The following ITPK1 variants were observed in gnomAD, a reference collection of about 807,000 sequenced individuals.
ITPK1 encodes inositol-tetrakisphosphate 1-kinase, also known as inositol 1,3,4-trisphosphate 5/6-kinase.
Under a neutral mutation model 45.3 loss-of-function variants are expected in ITPK1, and 21 were observed. The observed-to-expected ratio is 0.46, with a 90% CI of 0.33 to 0.67. The LOEUF (loss-of-function observed/expected upper bound fraction) is 0.67, where lower values mean the gene tolerates loss of function less well. ITPK1 is among the 30% of genes least tolerant of loss of function. ITPK1 has a pLI of 0.02. For missense variants in ITPK1, 474 were observed against 573.5 expected (o/e 0.83, Z 1.77); for synonymous variants, 258 against 253.6 (o/e 1.02, Z -0.16).
intron 3 of ITPK1, among the ~76,000 whole-genome samples, chr14:93,061,771 G>A (rs1890534858): frequency 6.6e-6 from 1 of 152,184 alleles, no homozygotes; most frequent in African/African-American, 2.4e-5. Flanking sequence ...ATCAAAAGTG[G>A]ATGTTTATCA....
At chr14:93,092,027 A>C (rs1012780970) in intron 2 of ITPK1, among the ~76,000 whole-genome samples, 2 of 152,074 alleles carry the variant, frequency 1.3e-5, no homozygotes, top group Non-Finnish European at 2.9e-5. Flanking sequence ...CCTGTCCCCC[A>C]GGCTCTCCAC....
At chr14:93,004,468 A>G (rs964601190) in intron 4 of ITPK1, among the ~76,000 whole-genome samples, 33 of 152,224 alleles carry the variant, frequency 2.2e-4, no homozygotes, top group Non-Finnish European at 5.9e-5. Flanking sequence ...CTGAGCACTC[A>G]GCCTGAGGCC....
chr14:93,046,594 C>CGGG (rs1239483624), intron 3 of ITPK1, among the ~76,000 whole-genome samples: 4 of 74,036 alleles, frequency 5.4e-5, no homozygotes, highest in East Asian at 4.1e-4. Context: ...CAGCCGGGGG[C>CGGG]GGGGGGGGGC....
rs567249975 is a variant in ITPK1 at position 92,972,375 on chromosome 14, G to A, written c.365-9526C>T. On this transcript the variant is annotated intron_variant, in intron 5 of 10. Coordinates refer to ENST00000267615, the MANE Select transcript of ITPK1 (RefSeq NM_014216.6). Reference sequence around the variant, plus strand: ...GGTGTCCTTATAAGGAGATTAGGACGCAGACACACACAGGGGAAGACCATG... The same window carrying A: ...GGTGTCCTTATAAGGAGATTAGGACACAGACACACACAGGGGAAGACCATG... Among the ~76,000 whole-genome samples, 6 of 152,230 alleles carry A rather than the reference G, an allele frequency of 3.9e-5. No individual in the cohort carries two copies. In the East Asian group the frequency reaches 1.2e-3, roughly 29 times the overall value.
intron 9 of ITPK1, among the ~76,000 whole-genome samples, chr14:92,947,403 A>C (rs994455698): frequency 6.6e-6 from 1 of 152,156 alleles, no homozygotes. Context: ...ACAGGCACAC[A>C]CTGTCATGGG....
chr14:93,108,382 C>G (rs1447700580), intron 2 of ITPK1, among the ~76,000 whole-genome samples: 1 of 152,244 alleles, frequency 6.6e-6, no homozygotes, highest in East Asian at 1.9e-4. Context: ...GAACTGTGCT[C>G]ATGGGGCACT....
At chr14:93,078,079 C>G (rs572652991) in intron 2 of ITPK1, among the ~76,000 whole-genome samples, 1 of 152,330 alleles carries the variant, frequency 6.6e-6, no homozygotes, top group East Asian at 1.9e-4. Context: ...AGACACTCCT[C>G]AACGGCTGCT....
intron 3 of ITPK1, among the ~76,000 whole-genome samples, chr14:93,043,773 CT>C (rs1889663663): frequency 6.6e-6 from 1 of 152,224 alleles, no homozygotes; most frequent in South Asian, 2.1e-4. Flanking sequence ...TCTCCTTCCC[CT>C]CATTGGTGGC....
intron 3 of ITPK1, among the ~76,000 whole-genome samples, chr14:93,059,229 A>G (rs1486459431): frequency 7.2e-5 from 1 of 13,850 alleles, no homozygotes; most frequent in Non-Finnish European, 1.2e-4. Context: ...GCAGGGGTGG[A>G]GGGTGTGTGG....
At chr14:93,077,878 G>A (rs576721815) in intron 2 of ITPK1, among the ~76,000 whole-genome samples, 7 of 152,318 alleles carry the variant, frequency 4.6e-5, no homozygotes, top group South Asian at 2.1e-4. Context: ...TGCAGGGACC[G>A]AGGCACCCAA....
In ITPK1 at chr14:93,014,732, T is replaced by A. The variant is rs917965720; in HGVS notation, c.246+1944A>T. Among the ~76,000 whole-genome samples, 21 of 151,330 alleles carry A rather than the reference T, an allele frequency of 1.4e-4. No homozygotes were observed. Among genetic ancestry groups the A allele is most frequent in the Non-Finnish European group, 2.5e-4 (17 of 67,770 alleles). ...AAATCCCACCTGGACCACTTTCTAG[T>A]TGTCCTGCAGCTGCTTCTTCCTCCA... On this transcript the variant is annotated intron_variant, in intron 4 of 10. Coordinates refer to ENST00000267615, the MANE Select transcript of ITPK1 (RefSeq NM_014216.6). This position sits in a 1 kb window ranked among gnomAD's most constrained non-coding sequence, Gnocchi z 4.4.
Position 93,014,759 on chromosome 14 carries a change from A to G in ITPK1, c.246+1917T>C, listed in dbSNP as rs1888088065. Among the ~76,000 whole-genome samples the G allele has an allele frequency of 6.6e-6, 1 of 152,256 alleles. No individual in the cohort carries two copies. Among genetic ancestry groups the G allele is most frequent in the Admixed American group, 6.5e-5 (1 of 15,292 alleles). ...GTCCTGCAGCTGCTTCTTCCTCCACAGGACGGGAATCATTGAACCTTACAG... is the reference window on the plus strand; with the variant it reads ...GTCCTGCAGCTGCTTCTTCCTCCACGGGACGGGAATCATTGAACCTTACAG... On this transcript the variant is annotated intron_variant, in intron 4 of 10. Coordinates refer to ENST00000267615, the MANE Select transcript of ITPK1 (RefSeq NM_014216.6). The surrounding 1 kb of genome is among the most constrained non-coding windows in gnomAD (Gnocchi z 4.4).
intron 5 of ITPK1, among the ~76,000 whole-genome samples, chr14:92,968,826 G>A (rs1487731090): frequency 6.6e-6 from 1 of 152,198 alleles, no homozygotes; most frequent in Non-Finnish European, 1.5e-5. Flanking sequence ...CTCCTGCTCT[G>A]GCGTGGGGTG....
intron 3 of ITPK1, among the ~76,000 whole-genome samples, chr14:93,041,538 G>A (rs767430371): frequency 9.2e-5 from 14 of 152,220 alleles, no homozygotes; most frequent in East Asian, 1.9e-4. Context: ...CTCAGAAACC[G>A]GGCCTCTGCC....
chr14:93,047,677 T>C (rs1162680118), intron 3 of ITPK1, among the ~76,000 whole-genome samples: 1 of 152,264 alleles, frequency 6.6e-6, no homozygotes, highest in Non-Finnish European at 1.5e-5. Context: ...GTCCAACTCC[T>C]AGCCTCCAGA....
At chr14:93,080,770 T>G (rs1349697312) in intron 2 of ITPK1, among the ~76,000 whole-genome samples, 1 of 151,934 alleles carries the variant, frequency 6.6e-6, no homozygotes, top group Non-Finnish European at 1.5e-5. Flanking sequence ...AGAGTCTGGC[T>G]CTATCGCCCA....
chr14:93,027,502 C>T (rs371449342), intron 3 of ITPK1, among the ~76,000 whole-genome samples: 15 of 152,164 alleles, frequency 9.9e-5, no homozygotes, highest in Admixed American at 3.3e-4. Context: ...CAAGGCAACT[C>T]GCCTTCATCC....
rs1340485522 is a variant in ITPK1, at chr14:93,012,153, C to T, written c.246+4523G>A. 6.6e-6 allele frequency among the ~76,000 whole-genome samples: 1 copy of T among 152,222 alleles called. No homozygotes were observed. Among genetic ancestry groups the T allele is most frequent in the Non-Finnish European group, 1.5e-5 (1 of 68,044 alleles). The stretch of plus-strand genomic sequence containing the variant: ...CATGACCAGCACTGGGCATGCGCCG[C>T]CACCCAAACACTTAGGCACTGCAGG... On this transcript the variant is annotated intron_variant, in intron 4 of 10. Coordinates refer to ENST00000267615, the MANE Select transcript of ITPK1 (RefSeq NM_014216.6). The surrounding 1 kb of genome is among the most constrained non-coding windows in gnomAD (Gnocchi z 4.9).
chr14:92,966,331 C>T (rs1197887136), intron 5 of ITPK1, among the ~76,000 whole-genome samples: 1 of 152,128 alleles, frequency 6.6e-6, no homozygotes, highest in Non-Finnish European at 1.5e-5. Flanking sequence ...ACAATCCAAA[C>T]ATGAAATTAA....
Sources: gnomAD v4.1 joint callset for allele counts (sites outside exome capture counted in the v4.1 genomes callset) on GRCh38, gnomAD v4.1.1 for gene constraint, Gnocchi (gnomAD v3.1) non-coding constraint, MANE v1.5 for transcripts, NCBI Gene and HGNC (gene_info 2026-07-23, HGNC 2026-07-21) for gene names.